Variants in IL10RB observed in about 807,000 individuals in gnomAD.
IL10RB encodes interleukin 10 receptor subunit beta.
A neutral mutation model predicts 38.7 loss-of-function variants in IL10RB; 30 were observed. That is an observed-to-expected ratio of 0.78 (90% CI 0.58 to 1.05). IL10RB has a LOEUF of 1.05. Among genes scored for constraint, IL10RB ranks in the 50% least tolerant of loss-of-function variants. The pLI is 0.00. For synonymous variants in IL10RB, 142 were observed against 145.9 expected (o/e 0.97, Z 0.19); for missense variants, 328 against 397.1 (o/e 0.83, Z 1.48).
chr21:33,271,353 C>G (rs1175101182), intron 2 of IL10RB, among the ~76,000 whole-genome samples: 1 of 151,978 alleles, frequency 6.6e-6, no homozygotes, highest in African/African-American at 2.4e-5. Context: ...TAAAAACATC[C>G]AAAACAATTA....
chr21:33,296,204 TAAC>T lies in IL10RB; in HGVS notation c.827_829del (p.Asn276del), dbSNP rs1186649881. 3.7e-6 allele frequency: 6 copies of T among 1,614,072 alleles called. No individual in the cohort carries two copies. In the South Asian group the frequency reaches 6.6e-5, roughly 18 times the overall value. On this transcript the variant is annotated inframe_deletion, in exon 7 of 7. Transcript: ENST00000290200. ...CACAGTTTTTGGGCCATCCTCATCA[TAAC>T]ACACTTCTGTTTTTCTCCTTTCCAT... is the stretch of plus-strand genomic sequence containing the variant.
chr21:33,280,089 A>G (rs980970026), intron 4 of IL10RB, among the ~76,000 whole-genome samples, 171 bp downstream of exon 4: 1 of 152,248 alleles, frequency 6.6e-6, no homozygotes, highest in Non-Finnish European at 1.5e-5. Flanking sequence ...GGATATGTGT[A>G]GAGCAGACTT....
intron 6 of IL10RB, among the ~76,000 whole-genome samples, chr21:33,294,476 C>T (rs1989553275): frequency 6.6e-6 from 1 of 152,020 alleles, no homozygotes; most frequent in African/African-American, 2.4e-5. Context: ...TCTCTCCTGT[C>T]CCCATTATCC....
chr21:33,284,165 G>A (rs368474386), intron 5 of IL10RB, among the ~76,000 whole-genome samples: 10 of 151,766 alleles, frequency 6.6e-5, no homozygotes, highest in African/African-American at 9.7e-5. Flanking sequence ...GTGTGGTGGC[G>A]CACACCTGTA....
intron 2 of IL10RB, among the ~76,000 whole-genome samples, chr21:33,271,105 G>T (rs142572981): frequency 1.3e-5 from 2 of 152,168 alleles, no homozygotes; most frequent in African/African-American, 4.8e-5. Flanking sequence ...GGTCTCCCCC[G>T]CGTGGAACTA....
intron 2 of IL10RB, among the ~76,000 whole-genome samples, chr21:33,273,980 A>G (rs1989126490): frequency 6.6e-6 from 1 of 152,148 alleles, no homozygotes; most frequent in Non-Finnish European, 1.5e-5. Context: ...AAAGTCATCT[A>G]TGAGGGTTGG....
chr21:33,288,653 CA>C (rs760924929), intron 6 of IL10RB, among the ~76,000 whole-genome samples: 3 of 152,080 alleles, frequency 2.0e-5, no homozygotes, highest in African/African-American at 4.8e-5. Flanking sequence ...AGGAAATCAC[CA>C]GAGGGAGAGA....
At chr21:33,271,163 G>A (rs557796366) in intron 2 of IL10RB, among the ~76,000 whole-genome samples, 4 of 152,286 alleles carry the variant, frequency 2.6e-5, no homozygotes, top group South Asian at 2.1e-4. Context: ...TGTGCTGGCC[G>A]TGTCCTTGGG....
chr21:33,301,481 G>A (rs2082985855), downstream of IL10RB, among the ~76,000 whole-genome samples: 1 of 152,202 alleles, frequency 6.6e-6, no homozygotes, highest in South Asian at 2.1e-4. Flanking sequence ...CTCTGAGCAG[G>A]AGGAGTCATG....
downstream of IL10RB, among the ~76,000 whole-genome samples, chr21:33,298,697 G>T (rs61264325): frequency 7.8e-3 from 1,188 of 152,238 alleles, 10 homozygotes; most frequent in African/African-American, 0.027. Flanking sequence ...AAAGAAAAAA[G>T]AAGTTATTAT....
chr21:33,280,548 G>A (rs979129397), intron 4 of IL10RB, among the ~76,000 whole-genome samples: 1 of 152,128 alleles, frequency 6.6e-6, no homozygotes, highest in Non-Finnish European at 1.5e-5. Context: ...CCCATTGCCT[G>A]GAATGATGTA....
intron 6 of IL10RB, among the ~76,000 whole-genome samples, chr21:33,292,991 A>G (rs1258360430): frequency 6.6e-6 from 1 of 152,198 alleles, no homozygotes; most frequent in East Asian, 1.9e-4. Flanking sequence ...GGCGTGGAAC[A>G]TGCTGCCTCC....
chr21:33,266,514 G>A lies in IL10RB; in HGVS notation c.49G>A (p.Ala17Thr), dbSNP rs1338780428. 3 of 1,542,830 alleles carry A rather than the reference G, an allele frequency of 1.9e-6. No individual in the cohort carries two copies. Among genetic ancestry groups the A allele is most frequent in the Non-Finnish European group, 1.7e-6 (2 of 1,147,390 alleles). ...SWLGGCLLVS[A>T]LGMVPPPENV... ...GCTGGGTGGCTGCCTGCTGGTGTCAGGTGAGGGGTCCGCGGGGAGGGGGCG... is the reference window on the plus strand; with the variant it reads ...GCTGGGTGGCTGCCTGCTGGTGTCAAGTGAGGGGTCCGCGGGGAGGGGGCG... The change falls in exon 1 of 7, where the codon GCA (alanine) becomes ACA (threonine). Residue 17 changes from alanine (A) to threonine (T), a missense_variant and splice_region_variant. Physicochemically the swap from Ala to Thr is moderately conservative, Grantham distance 58. Transcript: ENST00000290200.
At chr21:33,266,545 G>T in intron 1 of IL10RB, 31 bp downstream of exon 1, 1 of 1,538,728 alleles carries the variant, frequency 6.5e-7, no homozygotes. Context: ...GGGCGCGCTT[G>T]GGAACCGGGA....
downstream of IL10RB, among the ~76,000 whole-genome samples, chr21:33,297,530 G>T (rs1447218183): frequency 6.6e-6 from 1 of 152,100 alleles, no homozygotes; most frequent in Non-Finnish European, 1.5e-5. Flanking sequence ...GAGCAAAAAA[G>T]GGAGTCTCCA....
At chr21:33,292,958 T>C (rs1191404982) in intron 6 of IL10RB, among the ~76,000 whole-genome samples, 2 of 152,058 alleles carry the variant, frequency 1.3e-5, no homozygotes, top group Non-Finnish European at 2.9e-5. Flanking sequence ...TTGATAAACA[T>C]ATTGGAACAG....
chr21:33,296,286 G>T lies in IL10RB; in HGVS notation c.907G>T (p.Glu303Ter). 1 of 1,614,136 alleles carries T rather than the reference G, an allele frequency of 6.2e-7. No individual in the cohort carries two copies. The highest frequency in any genetic ancestry group is 8.5e-7 in the Non-Finnish European group (1 of 1,180,014). ...DKLSVIAEDS[E>*]SGKQNPGDSC... ...GCTAAGTGTCATTGCAGAAGACTCT[G>T]AGAGCGGCAAGCAGAATCCTGGTGA... is the stretch of plus-strand genomic sequence containing the variant. The change falls in exon 7 of 7, where the codon GAG becomes TAG. Residue 303 changes from glutamate (E) to a stop codon, truncating the protein, a stop_gained. Transcript: ENST00000290200. LOFTEE classifies it high-confidence loss of function.
At chr21:33,272,076 A>G (rs1042849396) in intron 2 of IL10RB, among the ~76,000 whole-genome samples, 2 of 152,244 alleles carry the variant, frequency 1.3e-5, no homozygotes, top group Non-Finnish European at 2.9e-5. Context: ...ATGGGATGTT[A>G]AGCAGCCGTG....
rs774890824 is a variant in IL10RB, at chr21:33,283,188, G to A, written c.593G>A (p.Arg198Gln). Residue 198 changes from arginine to glutamine, a missense_variant, in exon 5 of 7, where the codon CGG becomes CAG. Physicochemically the swap from Arg to Gln is conservative, Grantham distance 43. Coordinates refer to ENST00000290200, the MANE Select transcript of IL10RB (RefSeq NM_000628.5). ...CAAGTTCGAGGGTTTCTTCCTGATC[G>A]GAACAAAGCTGGGGAATGGAGTGAG... is the stretch of plus-strand genomic sequence containing the variant. ...CVQVRGFLPD[R>Q]NKAGEWSEPV... 91 of 1,613,942 alleles carry A rather than the reference G, an allele frequency of 5.6e-5. No individual in the cohort carries two copies. The highest frequency in any genetic ancestry group is 6.9e-5 in the Non-Finnish European group (81 of 1,179,994).
Sources: allele counts gnomAD v4.1 joint callset (sites outside exome capture counted in the v4.1 genomes callset), GRCh38; gene constraint gnomAD v4.1.1; transcripts MANE v1.5; gene names NCBI Gene and HGNC (gene_info 2026-07-23, HGNC 2026-07-21).